MAST1: variants seen among roughly 807,000 people sequenced by gnomAD.
MAST1 encodes the protein microtubule associated serine/threonine kinase 1.
Under a neutral mutation model 124.6 loss-of-function variants are expected in MAST1, and 40 were observed. The ratio of observed to expected loss-of-function variants is 0.32; its 90% CI spans 0.25 to 0.42. MAST1 has a LOEUF of 0.42. MAST1 is among the 10% of genes least tolerant of loss of function. The probability of loss-of-function intolerance (pLI) is 1.00; values close to 1 mark genes in which losing one functional copy is unlikely to be tolerated. For missense variants in MAST1, 1,558 were observed against 2,181.9 expected (o/e 0.71, Z 5.70); for synonymous variants, 938 against 939.4 (o/e 1.00, Z 0.03).
At chr19:12,849,550 G>A (rs925802568) in intron 7 of MAST1, among the ~76,000 whole-genome samples, 6 of 151,912 alleles carry the variant, frequency 3.9e-5, no homozygotes, top group Non-Finnish European at 7.4e-5. Context: ...TGTAATCCCA[G>A]CTACTCAGGA....
chr19:12,860,320 G>T (rs1970064335), intron 12 of MAST1, among the ~76,000 whole-genome samples: 1 of 151,622 alleles, frequency 6.6e-6, no homozygotes, highest in African/African-American at 2.4e-5. Flanking sequence ...GTTTCACCGT[G>T]TTGGCCAGGA....
At chr19:12,860,141 G>A (rs1199862202) in intron 12 of MAST1, among the ~76,000 whole-genome samples, 3 of 151,804 alleles carry the variant, frequency 2.0e-5, no homozygotes, top group Non-Finnish European at 2.9e-5. Context: ...GGGGGACGGC[G>A]TCTTGCTCTG....
chr19:12,848,253 G>C (rs1599579099), intron 7 of MAST1, 196 bp downstream of exon 7: 1 of 591,902 alleles, frequency 1.7e-6, no homozygotes, highest in South Asian at 2.0e-5. Flanking sequence ...ATTTCACCTC[G>C]CTCATTTCCC....
chr19:12,861,680 CTCTTTCTT>C (rs3064403), intron 12 of MAST1, among the ~76,000 whole-genome samples: 42,053 of 143,412 alleles, frequency 0.29, 6,511 homozygotes, highest in East Asian at 0.55. Context: ...TTCTTTTTCT[CTCTTTCTT>C]TCTTTCTTTC....
rs774517121 is a variant in MAST1, at chr19:12,874,316, G to A, written c.4159G>A (p.Gly1387Ser). The A allele has an allele frequency of 3.1e-6, 5 of 1,594,532 alleles. No homozygotes were observed. The highest frequency in any genetic ancestry group is 1.3e-5 in the African/African-American group (1 of 74,832). ...TGGCCGGACCCTGGAGCGGGACGTCGGCTGCACGCGGCATCAGAGCGTGCA... is the reference window on the plus strand; with the variant it reads ...TGGCCGGACCCTGGAGCGGGACGTCAGCTGCACGCGGCATCAGAGCGTGCA... ...PGGRTLERDV[G>S]CTRHQSVQTE... Residue 1387 changes from glycine to serine, a missense_variant, in exon 26 of 26, where the codon GGC becomes AGC. Physicochemically the swap from Gly to Ser is moderately conservative, Grantham distance 56. Coordinates refer to ENST00000251472, the MANE Select transcript of MAST1 (RefSeq NM_014975.3). The surrounding 1 kb of genome is among the most constrained non-coding windows in gnomAD (Gnocchi z 6.6).
In MAST1 at chr19:12,870,427, C is replaced by A. The variant is rs374055867; in HGVS notation, c.3004-397C>A. Among the ~76,000 whole-genome samples the A allele has an allele frequency of 1.4e-4, 21 of 147,376 alleles. No individual in the cohort carries two copies. In the East Asian group the frequency reaches 3.3e-3, roughly 23 times the overall value. On this transcript the variant is annotated intron_variant, in intron 22 of 25. Coordinates refer to ENST00000251472, the MANE Select transcript of MAST1 (RefSeq NM_014975.3). ...AATCGCGTGAACCCGGGAGGCGGAGCTTGCAGTGAGCCGACATCGCGCCAC... is the reference window on the plus strand; with the variant it reads ...AATCGCGTGAACCCGGGAGGCGGAGATTGCAGTGAGCCGACATCGCGCCAC...
chr19:12,846,836 C>T (rs117758012), intron 4 of MAST1, among the ~76,000 whole-genome samples: 5,567 of 137,010 alleles, frequency 0.041, 166 homozygotes, highest in Non-Finnish European at 0.063. Flanking sequence ...TGAGATCACA[C>T]TCCAAACTAG....
chr19:12,867,388 T>G, intron 18 of MAST1, 86 bp from the exon 19 acceptor site: 1 of 1,507,094 alleles, frequency 6.6e-7, no homozygotes, highest in Non-Finnish European at 9.2e-7. Flanking sequence ...GAGTGCGTTT[T>G]GCGGGGGATC....
At position 12,873,988 on chromosome 19, in the gene MAST1, C is replaced by A; in HGVS notation, c.3831C>A (p.Asp1277Glu). The A allele has an allele frequency of 6.2e-7, 1 of 1,603,300 alleles. No homozygotes were observed. Residue 1277 changes from aspartate to glutamate, a missense_variant, in exon 26 of 26, where the codon GAC becomes GAA. Asp to Glu is a conservative substitution (Grantham distance 45, BLOSUM62 2). Transcript: ENST00000251472. The stretch of plus-strand genomic sequence containing the variant: ...AGCTGGGAGCCTCTTTGAGTGCGGA[C>A]AAGAAGGGCGCGCTGCGCAAACACA... ...AEKLGASLSA[D>E]KKGALRKHSL...
Position 12,841,034 on chromosome 19 carries a change from C to T in MAST1, c.216C>T (p.Thr72=), listed in dbSNP as rs760367960. 4 of 1,545,650 alleles carry T rather than the reference C, an allele frequency of 2.6e-6. No individual in the cohort carries two copies. In the South Asian group the frequency reaches 3.3e-5, roughly 13 times the overall value. Residue 72 remains threonine, a synonymous_variant, in exon 3 of 26, where the codon ACC becomes ACT. Coordinates refer to ENST00000251472, the MANE Select transcript of MAST1 (RefSeq NM_014975.3). The surrounding 1 kb of genome is among the most constrained non-coding windows in gnomAD (Gnocchi z 4.3). ...LDSPRNFSPN[T]PAHFSFASSR... ...GCCCCCGAAACTTCTCCCCCAACAC[C>T]CCCGCCCACTTCTCGTTTGCCTCCT...
Position 12,840,546 on chromosome 19 carries a change from G to C in MAST1, c.172+12G>C, listed in dbSNP as rs766344050. ...GCCAGGTCACCTAGGTGAGGCCAGT[G>C]GTAGAGACTTGGTGGGTGCAGACTG... On this transcript the variant is annotated intron_variant, in intron 2 of 25. Coordinates refer to ENST00000251472, the MANE Select transcript of MAST1 (RefSeq NM_014975.3). 1 of 1,604,342 alleles carries C rather than the reference G, an allele frequency of 6.2e-7. No homozygotes were observed. The highest frequency in any genetic ancestry group is 1.1e-5 in the South Asian group (1 of 90,552).
In MAST1 at chr19:12,873,369, C is replaced by T; in HGVS notation, c.3309C>T (p.Asn1103=). 1 of 1,614,028 alleles carries T rather than the reference C, an allele frequency of 6.2e-7. No individual in the cohort carries two copies. The highest frequency in any genetic ancestry group is 2.2e-5 in the East Asian group (1 of 44,874). ...TCCGGAAGATCACGAAGCAGTCGAA[C>T]CTGCTGCATACTAGCCGCTCGCTGT... ...SLFRKITKQS[N]LLHTSRSLSS... The change falls in exon 25 of 26, where the codon AAC becomes AAT. Residue 1103 remains asparagine, a synonymous_variant. Transcript: ENST00000251472.
chr19:12,840,522 C>T lies in MAST1; in HGVS notation c.160C>T (p.Pro54Ser). ...GCTACCGAGACCCCACTCCCCGCTGCCAGGTCACCTAGGTGAGGCCAGTGG... is the reference window on the plus strand; with the variant it reads ...GCTACCGAGACCCCACTCCCCGCTGTCAGGTCACCTAGGTGAGGCCAGTGG... The part of the protein sequence containing the change: ...PTLPRPHSPL[P>S]GHLGSSPLDS... The change falls in exon 2 of 26, where the codon CCA (proline) becomes TCA (serine). Residue 54 changes from proline to serine, a missense_variant. This residue lies in a region of MAST1 where 57 missense variants were observed against 35.3 expected (regional missense o/e 1.62). Coordinates refer to ENST00000251472, the MANE Select transcript of MAST1 (RefSeq NM_014975.3). The T allele has an allele frequency of 1.2e-6, 2 of 1,613,520 alleles. No homozygotes were observed. The highest frequency in any genetic ancestry group is 1.7e-6 in the Non-Finnish European group (2 of 1,179,552).
In MAST1 at chr19:12,868,712, C is replaced by G; in HGVS notation, c.2636C>G (p.Thr879Ser). 1 of 1,613,254 alleles carries G rather than the reference C, an allele frequency of 6.2e-7. No individual in the cohort carries two copies. Among genetic ancestry groups the G allele is most frequent in the Non-Finnish European group, 8.5e-7 (1 of 1,179,422 alleles). ...KDGDASGPRA[T>S]NDLVLRRARH... ...GGGGATGCATCAGGCCCAAGGGCTACCAATGACTTGGTTCTGCGCCGGGCG... is the reference window on the plus strand; with the variant it reads ...GGGGATGCATCAGGCCCAAGGGCTAGCAATGACTTGGTTCTGCGCCGGGCG... Residue 879 changes from threonine (T) to serine (S), a missense_variant, in exon 21 of 26, where the codon ACC becomes AGC. Coordinates refer to ENST00000251472, the MANE Select transcript of MAST1 (RefSeq NM_014975.3).
chr19:12,870,754 A>T (rs1970223338), intron 22 of MAST1, 70 bp from the exon 23 acceptor site: 2 of 1,493,258 alleles, frequency 1.3e-6, no homozygotes, highest in Non-Finnish European at 1.8e-6. Flanking sequence ...AGTGTCCTGC[A>T]TATAAGTTTA....
chr19:12,840,113 G>C (rs1363403992), intron 1 of MAST1, among the ~76,000 whole-genome samples: 1 of 152,168 alleles, frequency 6.6e-6, no homozygotes, highest in Non-Finnish European at 1.5e-5. Flanking sequence ...ACCACACGTG[G>C]ATACCTACAG....
At position 12,847,743 on chromosome 19, in the gene MAST1, G is replaced by A. The variant is rs1001357588; in HGVS notation, c.564+56G>A. 5.0e-6 allele frequency: 8 copies of A among 1,595,226 alleles called. No individual in the cohort carries two copies. The East Asian group carries it at 1.1e-4, about 22-fold the overall frequency. ...GACCAGGCGGCCTGCACTCTCGCTC[G>A]CCTTATCCCCGCGCGCCCCCTGGCG... is the stretch of plus-strand genomic sequence containing the variant. On this transcript the variant is annotated intron_variant, in intron 6 of 25. Transcript: ENST00000251472. The surrounding 1 kb of genome is among the most constrained non-coding windows in gnomAD (Gnocchi z 5.5).
Position 12,874,582 on chromosome 19 carries a change from G to A in MAST1, c.4425G>A (p.Arg1475=). The change falls in exon 26 of 26, where the codon CGG becomes CGA. Residue 1475 remains arginine, a synonymous_variant. Transcript: ENST00000251472. The surrounding 1 kb of genome is among the most constrained non-coding windows in gnomAD (Gnocchi z 6.6). ...PLAPSVPEAP[R]GRERWVLEVV... Reference sequence around the variant, plus strand: ...CGCCTTCCGTGCCCGAGGCCCCCCGGGGCCGGGAGCGCTGGGTGTTGGAGG... The same window carrying A: ...CGCCTTCCGTGCCCGAGGCCCCCCGAGGCCGGGAGCGCTGGGTGTTGGAGG... 2 of 1,508,308 alleles carry A rather than the reference G, an allele frequency of 1.3e-6. No homozygotes were observed. The highest frequency in any genetic ancestry group is 1.8e-6 in the Non-Finnish European group (2 of 1,130,512). The allele number at this position is 1,508,308 out of a possible 1,614,324, so 93.4% of individuals were successfully genotyped here. A position where few individuals can be genotyped will look rare whatever the true frequency, so the allele number is the denominator to read the frequency against.
intron 22 of MAST1, 139 bp from the exon 23 acceptor site, chr19:12,870,685 G>C: frequency 1.1e-6 from 1 of 929,508 alleles, no homozygotes; most frequent in South Asian, 2.8e-5. Context: ...AAAAATGTGG[G>C]GGGAGGAATA....
Sources: allele counts gnomAD v4.1 joint callset (sites outside exome capture counted in the v4.1 genomes callset), GRCh38; gene constraint gnomAD v4.1.1; regional missense constraint gnomAD v4.1.1; non-coding constraint Gnocchi (gnomAD v3.1); transcripts MANE v1.5; gene names NCBI Gene and HGNC (gene_info 2026-07-23, HGNC 2026-07-21).